The following GRID2 variants were observed in gnomAD, a reference collection of about 807,000 sequenced individuals.
GRID2 encodes glutamate ionotropic receptor delta type subunit 2.
GRID2 carries 33 observed loss-of-function variants against 114.8 expected under a neutral mutation model. The observed-to-expected ratio is 0.29, with a 90% CI of 0.22 to 0.38. The LOEUF (loss-of-function observed/expected upper bound fraction) is 0.38. Ranked by LOEUF, GRID2 falls within the 10% of genes least tolerant of loss-of-function variation. The probability of loss-of-function intolerance (pLI) is 1.00; values close to 1 mark genes in which losing one functional copy is unlikely to be tolerated. For synonymous variants in GRID2, 505 were observed against 449.9 expected, an observed-to-expected ratio of 1.12 and a Z score of -1.55; for missense variants, 1,184 against 1,257.7, an observed-to-expected ratio of 0.94 and a Z score of 0.89.
chr4:93,681,926 G>A (rs62319369), intron 14 of GRID2, among the ~76,000 whole-genome samples: 48,918 of 148,464 alleles, frequency 0.33, 8,398 homozygotes, highest in East Asian at 0.57. Flanking sequence ...CAAAATTGAC[G>A]AATGGGATCT....
chr4:92,466,502 A>G, intron 1 of GRID2, among the ~76,000 whole-genome samples: 1 of 151,898 alleles, frequency 6.6e-6, no homozygotes. Context: ...TTATCAAAAC[A>G]TCTCATGTAC....
intron 14 of GRID2, among the ~76,000 whole-genome samples, chr4:93,694,767 T>G (rs1274615347): frequency 6.6e-6 from 1 of 152,184 alleles, no homozygotes; most frequent in African/African-American, 2.4e-5. Flanking sequence ...ATGAACTTGC[T>G]TTTCATTTGA....
intron 2 of GRID2, among the ~76,000 whole-genome samples, chr4:92,976,461 AATATT>A (rs926391202): frequency 3.3e-5 from 5 of 152,242 alleles, no homozygotes; most frequent in South Asian, 2.1e-4. Flanking sequence ...GTTCTATAAC[AATATT>A]ATATTAAGTG....
chr4:93,740,358 T>C (rs1011694950), intron 14 of GRID2, among the ~76,000 whole-genome samples: 2 of 152,184 alleles, frequency 1.3e-5, no homozygotes, highest in Non-Finnish European at 2.9e-5. Context: ...TCAGAGCTCA[T>C]GGCAGCAACC....
chr4:92,411,484 C>T (rs1731297089), intron 1 of GRID2, among the ~76,000 whole-genome samples: 1 of 151,498 alleles, frequency 6.6e-6, no homozygotes, highest in South Asian at 2.1e-4. Context: ...CTTTCATTTC[C>T]TACAATATTT....
chr4:93,162,471 T>C (rs1188368421), intron 4 of GRID2, among the ~76,000 whole-genome samples: 1 of 151,938 alleles, frequency 6.6e-6, no homozygotes, highest in Non-Finnish European at 1.5e-5. Flanking sequence ...AATAAAAATA[T>C]TGTGCTTCAG....
chr4:93,316,309 AAAGAAAGAAAGAAAGAAAGAAAG>A (rs1756612999), intron 8 of GRID2, among the ~76,000 whole-genome samples: 2 of 122,306 alleles, frequency 1.6e-5, no homozygotes, highest in Non-Finnish European at 1.7e-5. Flanking sequence ...AGAAAGAAAG[AAAGAAAGAAAGAAAGAAAGAAAG>A]AAAGAAAGAA....
intron 2 of GRID2, among the ~76,000 whole-genome samples, chr4:93,084,158 A>G (rs1019008199): frequency 1.3e-5 from 2 of 152,144 alleles, no homozygotes; most frequent in African/African-American, 4.8e-5. Flanking sequence ...AAAGTTTGCC[A>G]TTATGAAACA....
chr4:93,146,968 G>A (rs1431275823), intron 4 of GRID2, among the ~76,000 whole-genome samples: 1 of 152,022 alleles, frequency 6.6e-6, no homozygotes, highest in Non-Finnish European at 1.5e-5. Context: ...CTGAAAAGAA[G>A]GGAAACTTGT....
chr4:93,437,851 G>A (rs945550649), intron 10 of GRID2, among the ~76,000 whole-genome samples: 5 of 151,882 alleles, frequency 3.3e-5, no homozygotes, highest in Non-Finnish European at 4.4e-5. Flanking sequence ...TAGTAATCTC[G>A]TCCTCTGAGA....
intron 10 of GRID2, among the ~76,000 whole-genome samples, chr4:93,437,292 A>AGTC (rs1352128626): frequency 6.6e-6 from 1 of 152,136 alleles, no homozygotes; most frequent in Non-Finnish European, 1.5e-5. Context: ...ACTTGCCCAT[A>AGTC]GTCACATAGC....
At chr4:92,427,392 A>G (rs921094483) in intron 1 of GRID2, among the ~76,000 whole-genome samples, 4 of 152,188 alleles carry the variant, frequency 2.6e-5, no homozygotes, top group African/African-American at 9.7e-5. Context: ...ATAGCATACA[A>G]ACATAGGTTT....
chr4:93,092,007 G>A (rs1054805933), intron 3 of GRID2, among the ~76,000 whole-genome samples: 8 of 152,116 alleles, frequency 5.3e-5, no homozygotes, highest in Admixed American at 2.0e-4. Context: ...AATCACCCAA[G>A]ATGATATTAT....
intron 2 of GRID2, among the ~76,000 whole-genome samples, chr4:92,665,886 T>A (rs1032704946): frequency 1.8e-4 from 28 of 151,470 alleles, no homozygotes; most frequent in African/African-American, 6.8e-4. Flanking sequence ...GATTAAAATG[T>A]GTCTCAGTGT....
intron 1 of GRID2, among the ~76,000 whole-genome samples, chr4:92,380,285 T>C (rs1729556880): frequency 6.6e-6 from 1 of 151,870 alleles, no homozygotes; most frequent in African/African-American, 2.4e-5. Flanking sequence ...AAACATACCA[T>C]TTCTATTCCA....
At position 93,345,713 on chromosome 4, in the gene GRID2, T is replaced by G. The variant is rs72876966; in HGVS notation, c.1246-49894T>G. Among the ~76,000 whole-genome samples, 452 of 152,230 alleles carry G rather than the reference T, an allele frequency of 3.0e-3. 2 individuals are homozygous for G. Among genetic ancestry groups the G allele is most frequent in the African/African-American group, 0.01 (419 of 41,578 alleles). ...GTGGTTACAGCCCAAAAAAAATCCTTGCCCAGATCAATGTCAAGAAGCCTT... is the reference window on the plus strand; with the variant it reads ...GTGGTTACAGCCCAAAAAAAATCCTGGCCCAGATCAATGTCAAGAAGCCTT... On this transcript the variant is annotated intron_variant, in intron 8 of 15. Coordinates refer to ENST00000282020, the MANE Select transcript of GRID2 (RefSeq NM_001510.4).
At chr4:92,608,719 T>C (rs1579675714) in intron 2 of GRID2, among the ~76,000 whole-genome samples, 1 of 151,924 alleles carries the variant, frequency 6.6e-6, no homozygotes, top group East Asian at 1.9e-4. Context: ...TTTATATGCA[T>C]AGTTTATGGT....
chr4:92,427,727 A>C (rs1732228567), intron 1 of GRID2, among the ~76,000 whole-genome samples: 1 of 152,178 alleles, frequency 6.6e-6, no homozygotes, highest in African/African-American at 2.4e-5. Flanking sequence ...CAGTTGGTTA[A>C]GTTTAATTAA....
chr4:92,925,937 A>T (rs1173684053), intron 2 of GRID2, among the ~76,000 whole-genome samples: 1 of 151,974 alleles, frequency 6.6e-6, no homozygotes, highest in African/African-American at 2.4e-5. Context: ...AAAAGTTCCC[A>T]TCATTTGTGT....
Sources: allele counts gnomAD v4.1 joint callset (sites outside exome capture counted in the v4.1 genomes callset), GRCh38; gene constraint gnomAD v4.1.1; transcripts MANE v1.5; gene names NCBI Gene and HGNC (gene_info 2026-07-23, HGNC 2026-07-21).